The following PDE6B variants were observed in gnomAD, a reference collection of about 807,000 sequenced individuals.
PDE6B encodes the protein rod cGMP-specific 3',5'-cyclic phosphodiesterase subunit beta.
PDE6B carries 106 observed loss-of-function variants against 109.0 expected under a neutral mutation model. The observed-to-expected ratio is 0.97, with a 90% CI of 0.83 to 1.14. The LOEUF is 1.14. Among genes scored for constraint, PDE6B ranks in the 50% most tolerant of loss-of-function variants. The pLI is 0.00. For missense variants in PDE6B, 1,193 were observed against 1,155.6 expected (o/e 1.03, Z -0.47); for synonymous variants, 490 against 471.3 (o/e 1.04, Z -0.51).
Position 665,168 on chromosome 4 carries a change from A to G in PDE6B, c.2194-87A>G, listed in dbSNP as rs1560137348. The G allele has an allele frequency of 9.8e-7, 1 of 1,018,896 alleles. No homozygotes were observed. The highest frequency in any genetic ancestry group is 1.5e-6 in the Non-Finnish European group (1 of 661,784). 63.1% of individuals were successfully genotyped at this position (1,018,896 alleles called of 1,614,324 possible). On this transcript the variant is annotated intron_variant, in intron 18 of 21. Transcript: ENST00000496514. The surrounding 1 kb of genome is among the most constrained non-coding windows in gnomAD (Gnocchi z 4.0). ...ACCCCGGGGGTCTGGGGCGGAGAAG[A>G]CCGAGGCTCGGAGCCTCACGGGGCG...
rs990100735 is a variant in PDE6B, at chr4:654,859, C to T, written c.963C>T (p.Leu321=). The T allele has an allele frequency of 6.4e-7, 1 of 1,572,508 alleles. No individual in the cohort carries two copies. Among genetic ancestry groups the T allele is most frequent in the African/African-American group, 1.4e-5 (1 of 74,072 alleles). The stretch of plus-strand genomic sequence containing the variant: ...TCTACAAAGTGATCGACTACGTCCT[C>T]CACGGCAAGGAGGAGATCAAGGTCA... ...IVFYKVIDYV[L]HGKEEIKVIP... Residue 321 remains leucine, a synonymous_variant, in exon 6 of 22, where the codon CTC becomes CTT. Coordinates refer to ENST00000496514, the MANE Select transcript of PDE6B (RefSeq NM_000283.4).
chr4:662,139 G>C lies in PDE6B; in HGVS notation c.1620G>C (p.Leu540=). 6.5e-7 allele frequency: 1 copy of C among 1,544,542 alleles called. No homozygotes were observed. The highest frequency in any genetic ancestry group is 8.8e-7 in the Non-Finnish European group (1 of 1,136,112). Residue 540 remains leucine (L), a synonymous_variant, in exon 13 of 22, where the codon CTG becomes CTC. Coordinates refer to ENST00000496514, the MANE Select transcript of PDE6B (RefSeq NM_000283.4). This position sits in a 1 kb window ranked among gnomAD's most constrained non-coding sequence, Gnocchi z 4.3. The part of the protein sequence containing the change: ...VRKFQIPQEV[L]VRFLFSISKG... ...TGTCCTCTCGGCTCCCCCAGGTCCT[G>C]GTGCGGTTCCTGTTCTCCATCAGCA...
intron 9 of PDE6B, 80 bp downstream of exon 9, chr4:657,103 C>A: frequency 1.4e-6 from 2 of 1,429,060 alleles, no homozygotes; most frequent in Non-Finnish European, 2.0e-6. Flanking sequence ...GCCTCCCCGC[C>A]AAGCATTCGG....
rs545913636 is a variant in PDE6B, at chr4:656,943, G to T, written c.1177G>T (p.Glu393Ter). The T allele has an allele frequency of 6.2e-7, 1 of 1,613,190 alleles. No individual in the cohort carries two copies. The highest frequency in any genetic ancestry group is 1.7e-5 in the Admixed American group (1 of 60,032). ...VLSMPIVNKKEEIVGVATFYN... is the reference protein window; with the variant it reads ...VLSMPIVNKK ...GTCCATGCCCATCGTCAACAAGAAG[G>T]AGGAGATTGTGGGAGTCGCCACATT... The change falls in exon 9 of 22, where the codon GAG becomes TAG. Residue 393 changes from glutamate to a stop codon, truncating the protein, a stop_gained. Coordinates refer to ENST00000496514, the MANE Select transcript of PDE6B (RefSeq NM_000283.4). LOFTEE classifies it high-confidence loss of function.
rs997047757 is a variant in PDE6B, at chr4:663,754, G to T, written c.1921-16G>T. 1.2e-6 allele frequency: 2 copies of T among 1,602,522 alleles called. No homozygotes were observed. Among genetic ancestry groups the T allele is most frequent in the Non-Finnish European group, 1.7e-6 (2 of 1,170,894 alleles). The stretch of plus-strand genomic sequence containing the variant: ...TGGCCGCAGGGCGCCTGACGCGCTG[G>T]GCATAACCTCCGCAGACCCTGAACA... On this transcript the variant is annotated splice_polypyrimidine_tract_variant and intron_variant, in intron 15 of 21. Coordinates refer to ENST00000496514, the MANE Select transcript of PDE6B (RefSeq NM_000283.4). The surrounding 1 kb of genome is among the most constrained non-coding windows in gnomAD (Gnocchi z 4.0).
intron 3 of PDE6B, among the ~76,000 whole-genome samples, chr4:650,096 G>A (rs184144046): frequency 3.0e-4 from 46 of 152,294 alleles, no homozygotes; most frequent in Admixed American, 2.5e-3. Context: ...GATGCAGCAG[G>A]TGTATCCTGT....
chr4:663,778 C>T lies in PDE6B; in HGVS notation c.1929C>T (p.Asn643=), dbSNP rs779385975. 1.9e-6 allele frequency: 3 copies of T among 1,611,590 alleles called. No individual in the cohort carries two copies. Among genetic ancestry groups the T allele is most frequent in the South Asian group, 1.1e-5 (1 of 91,064 alleles). Residue 643 remains asparagine, a synonymous_variant, in exon 16 of 22, where the codon AAC becomes AAT. Transcript: ENST00000496514. The surrounding 1 kb of genome is among the most constrained non-coding windows in gnomAD (Gnocchi z 4.0). Reference sequence around the variant, plus strand: ...GGGCATAACCTCCGCAGACCCTGAACATCTACCAGAACCTGAACCGGCGGC... The same window carrying T: ...GGGCATAACCTCCGCAGACCCTGAATATCTACCAGAACCTGAACCGGCGGC... ...GKFLLSEETL[N]IYQNLNRRQH...
rs780830241 is a variant in PDE6B, at chr4:660,539, C to G, written c.1540C>G (p.Leu514Val). The G allele has an allele frequency of 5.0e-6, 8 of 1,613,566 alleles. No individual in the cohort carries two copies. The Admixed American group carries it at 1.2e-4, about 24-fold the overall frequency. Reference protein sequence around the residue: ...FHFSDLECTELDLVKCGIQMY... With the variant: ...FHFSDLECTEVDLVKCGIQMY... The stretch of plus-strand genomic sequence containing the variant: ...CTTCTCTGACCTGGAGTGCACCGAA[C>G]TGGACCTGGTCAAATGTGGCATCCA... Residue 514 changes from leucine to valine, a missense_variant, in exon 12 of 22, where the codon CTG (leucine) becomes GTG (valine). Transcript: ENST00000496514.
At chr4:631,284 C>T (rs1254243541) in intron 1 of PDE6B, among the ~76,000 whole-genome samples, 1 of 152,204 alleles carries the variant, frequency 6.6e-6, no homozygotes, top group Non-Finnish European at 1.5e-5. Flanking sequence ...GTGACAGAGT[C>T]AGGTCTGAGA....
chr4:628,186 T>C (rs909737676), intron 1 of PDE6B, among the ~76,000 whole-genome samples: 12 of 152,028 alleles, frequency 7.9e-5, no homozygotes, highest in African/African-American at 2.9e-4. Context: ...CAAATCCTCA[T>C]GAAGTGCAAA....
chr4:669,865 G>A (rs1194224931), intron 21 of PDE6B, among the ~76,000 whole-genome samples, 181 bp from the exon 22 acceptor site: 1 of 152,134 alleles, frequency 6.6e-6, no homozygotes, highest in East Asian at 1.9e-4. Context: ...AGGGCACAGT[G>A]TCAACAGAGG....
chr4:634,994 TGC>T, intron 2 of PDE6B, among the ~76,000 whole-genome samples, 165 bp downstream of exon 2: 1 of 123,658 alleles, frequency 8.1e-6, no homozygotes, highest in East Asian at 2.5e-4. Flanking sequence ...TGTTCTGTGC[TGC>T]GTGTCTGCCT....
In PDE6B at chr4:662,832, C is replaced by CT. The variant is rs1737272754; in HGVS notation, c.1832+216dup. Among the ~76,000 whole-genome samples the CT allele has an allele frequency of 2.7e-5, 3 of 110,322 alleles. No individual in the cohort carries two copies. The highest frequency in any genetic ancestry group is 3.2e-4 in the South Asian group (1 of 3,142). 72.4% of individuals were successfully genotyped at this position (110,322 alleles called of 152,430 possible). A position where few individuals can be genotyped will look rare whatever the true frequency, so the allele number is the denominator to read the frequency against. On this transcript the variant is annotated intron_variant, in intron 14 of 21. Coordinates refer to ENST00000496514, the MANE Select transcript of PDE6B (RefSeq NM_000283.4). This position sits in a 1 kb window ranked among gnomAD's most constrained non-coding sequence, Gnocchi z 4.3. ...TGGCAAGAGCTCTCCTCTACAAAAA[C>CT]TTAAAAAAAAAAAAAAAAAAAAAAG...
In PDE6B at chr4:636,818, T is replaced by A. The variant is rs1734707209; in HGVS notation, c.711+849T>A. 6.6e-6 allele frequency among the ~76,000 whole-genome samples: 1 copy of A among 152,208 alleles called. No individual in the cohort carries two copies. Among genetic ancestry groups the A allele is most frequent in the Admixed American group, 6.5e-5 (1 of 15,286 alleles). ...AGGGGCCTCCTCCTGGCCCCAGGGCTGCCTCAGGGGCAGTCTGGAAAGGCG... is the reference window on the plus strand; with the variant it reads ...AGGGGCCTCCTCCTGGCCCCAGGGCAGCCTCAGGGGCAGTCTGGAAAGGCG... On this transcript the variant is annotated intron_variant, in intron 3 of 21. Coordinates refer to ENST00000496514, the MANE Select transcript of PDE6B (RefSeq NM_000283.4). The surrounding 1 kb of genome is among the most constrained non-coding windows in gnomAD (Gnocchi z 4.5).
rs534181402 is a variant in PDE6B, at chr4:649,010, G to A, written c.712-4842G>A. On this transcript the variant is annotated intron_variant, in intron 3 of 21. Coordinates refer to ENST00000496514, the MANE Select transcript of PDE6B (RefSeq NM_000283.4). Reference sequence around the variant, plus strand: ...GGGGCGGGCGTGGTCTGTCCACACCGGGCAGTGGCGGGAGCCTGTTGAGCT... The same window carrying A: ...GGGGCGGGCGTGGTCTGTCCACACCAGGCAGTGGCGGGAGCCTGTTGAGCT... Among the ~76,000 whole-genome samples, 8 of 152,266 alleles carry A rather than the reference G, an allele frequency of 5.3e-5. No homozygotes were observed. The East Asian group carries it at 1.2e-3, about 22-fold the overall frequency.
intron 3 of PDE6B, chr4:653,105 G>A (rs1259941351): frequency 1.1e-6 from 1 of 906,454 alleles, no homozygotes; most frequent in Non-Finnish European, 1.3e-6. Context: ...GCCTGGTCCT[G>A]TTCCCACCAT....
In PDE6B at chr4:633,791, G is replaced by A. The variant is rs75850575; in HGVS notation, c.469-886G>A. Among the ~76,000 whole-genome samples the A allele has an allele frequency of 0.02, 2,992 of 152,252 alleles. 106 individuals carry two copies. Among genetic ancestry groups the A allele is most frequent in the African/African-American group, 0.068 (2,811 of 41,536 alleles). ...GCACCCTGGCCTCATGTAAACAAAT[G>A]TCAGAACCAGGAAGTAAGAGGAGGG... On this transcript the variant is annotated intron_variant, in intron 1 of 21. Coordinates refer to ENST00000496514, the MANE Select transcript of PDE6B (RefSeq NM_000283.4). This position sits in a 1 kb window ranked among gnomAD's most constrained non-coding sequence, Gnocchi z 4.5.
intron 5 of PDE6B, 190 bp downstream of exon 5, chr4:654,344 G>A (rs1560119141): frequency 1.4e-6 from 1 of 695,742 alleles, no homozygotes; most frequent in Admixed American, 2.0e-5. Context: ...GGGGTGTCCA[G>A]GGCTGGTCCC....
intron 3 of PDE6B, among the ~76,000 whole-genome samples, chr4:638,765 G>C (rs180754052): frequency 2.0e-5 from 3 of 152,310 alleles, no homozygotes; most frequent in Admixed American, 6.5e-5. Flanking sequence ...AGGTAATGAG[G>C]GGGGCTGGGC....
Sources: gnomAD v4.1 joint callset for allele counts (sites outside exome capture counted in the v4.1 genomes callset) on GRCh38, gnomAD v4.1.1 for gene constraint, Gnocchi (gnomAD v3.1) non-coding constraint, MANE v1.5 for transcripts, NCBI Gene and HGNC (gene_info 2026-07-23, HGNC 2026-07-21) for gene names.